Variants in AZIN2 observed in about 807,000 individuals in gnomAD.
AZIN2 encodes ODC antizyme inhibitor-2.
Under a neutral mutation model 47.8 loss-of-function variants are expected in AZIN2, and 28 were observed. That is an observed-to-expected ratio of 0.59 (90% CI 0.43 to 0.80). The LOEUF (loss-of-function observed/expected upper bound fraction) is 0.80. Among genes scored for constraint, AZIN2 ranks in the 30% least tolerant of loss-of-function variants. AZIN2 has a pLI of 0.00. For missense variants in AZIN2, 535 were observed against 582.5 expected (o/e 0.92, Z 0.84); for synonymous variants, 221 against 239.4 (o/e 0.92, Z 0.71).
chr1:33,086,273 T>C (rs995955013), intron 5 of AZIN2, among the ~76,000 whole-genome samples: 1 of 152,162 alleles, frequency 6.6e-6, no homozygotes, highest in Non-Finnish European at 1.5e-5. Context: ...ATTTAACGTA[T>C]AAGGAAATGA....
chr1:33,117,227 T>C (rs924473403), intron 10 of AZIN2, among the ~76,000 whole-genome samples: 1 of 152,150 alleles, frequency 6.6e-6, no homozygotes, highest in Admixed American at 6.5e-5. Flanking sequence ...GTGATTGTTG[T>C]TGGAAGTCCA....
Position 33,123,291 on chromosome 1 carries a change from C to G in AZIN2, c.*3109C>G, listed in dbSNP as rs1048419601. On this transcript the variant is annotated 3_prime_UTR_variant, in exon 12 of 12. Coordinates refer to ENST00000294517, the MANE Select transcript of AZIN2 (RefSeq NM_052998.4). ...ACTCAACATACTCTATAACATAACT[C>G]CATAATGTGTTCCATAACACAAGGG... Among the ~76,000 whole-genome samples the G allele has an allele frequency of 3.3e-5, 5 of 152,186 alleles. No homozygotes were observed. Among genetic ancestry groups the G allele is most frequent in the African/African-American group, 1.2e-4 (5 of 41,436 alleles).
chr1:33,116,265 T>C (rs1644535203), intron 10 of AZIN2, among the ~76,000 whole-genome samples: 1 of 152,234 alleles, frequency 6.6e-6, no homozygotes, highest in East Asian at 1.9e-4. Context: ...ATAATGTACA[T>C]ATTTTTCTTT....
chr1:33,155,372 C>T, the AZIN2 span, among the ~76,000 whole-genome samples: 1 of 151,984 alleles, frequency 6.6e-6, no homozygotes, highest in Non-Finnish European at 1.5e-5. Flanking sequence ...TGCCCGGCCT[C>T]CCCTGACTCT....
At chr1:33,131,927 T>C in the AZIN2 span, among the ~76,000 whole-genome samples, 1 of 152,096 alleles carries the variant, frequency 6.6e-6, no homozygotes, top group Non-Finnish European at 1.5e-5. Context: ...GAAATGAAAA[T>C]TAAATGTTAG....
chr1:33,108,342 C>CTTTTTTTT lies in AZIN2; in HGVS notation c.1030-9549_1030-9542dup, dbSNP rs34834263. On this transcript the variant is annotated intron_variant, in intron 10 of 11. Coordinates refer to ENST00000294517, the MANE Select transcript of AZIN2 (RefSeq NM_052998.4). ...AATGGATTAAAGACTTTCAGATTGA[C>CTTTTTTTT]TTTTTTTTTTTTTTTTTTGAGACAG... Among the ~76,000 whole-genome samples the CTTTTTTTT allele has an allele frequency of 1.4e-4, 19 of 134,742 alleles. 1 individual carries two copies. Among genetic ancestry groups the CTTTTTTTT allele is most frequent in the East Asian group, 1.1e-3 (5 of 4,550 alleles). 88.4% of individuals were successfully genotyped at this position (134,742 alleles called of 152,430 possible).
chr1:33,089,647 C>A (rs1239130819), intron 5 of AZIN2, among the ~76,000 whole-genome samples: 1 of 152,174 alleles, frequency 6.6e-6, no homozygotes, highest in African/African-American at 2.4e-5. Flanking sequence ...TGGAGCTTGA[C>A]CTTTGTGTCC....
the AZIN2 span, among the ~76,000 whole-genome samples, chr1:33,137,534 G>A: frequency 6.6e-6 from 1 of 152,164 alleles, no homozygotes; most frequent in African/African-American, 2.4e-5. Flanking sequence ...TCAGAGCTGG[G>A]AAGGTGGCTT....
At chr1:33,125,356 C>T (rs79237431), downstream of AZIN2, among the ~76,000 whole-genome samples, 533 of 152,324 alleles carry the variant, frequency 3.5e-3, 2 homozygotes, top group African/African-American at 0.012. Context: ...AGTTGATTTC[C>T]GCTGCGATGC....
chr1:33,125,762 G>C (rs545613588), downstream of AZIN2, among the ~76,000 whole-genome samples: 2 of 149,048 alleles, frequency 1.3e-5, no homozygotes, highest in Admixed American at 1.3e-4. Flanking sequence ...TTCCTTTCCT[G>C]TAACATGCCA....
At chr1:33,119,978 G>A (rs767873918) in intron 11 of AZIN2, 66 bp from the exon 12 acceptor site, 16 of 1,603,242 alleles carry the variant, frequency 1.0e-5, no homozygotes, top group African/African-American at 4.0e-5. Flanking sequence ...ATGGGGCTGC[G>A]TCTCCAGGTA....
the AZIN2 span, among the ~76,000 whole-genome samples, chr1:33,157,364 T>A: frequency 6.6e-6 from 1 of 152,118 alleles, no homozygotes; most frequent in African/African-American, 2.4e-5. Context: ...GGAGCACTCT[T>A]CCTCCAGATA....
the AZIN2 span, among the ~76,000 whole-genome samples, chr1:33,144,395 C>A: frequency 6.6e-6 from 1 of 152,222 alleles, no homozygotes; most frequent in African/African-American, 2.4e-5. Context: ...GCCTTGGCCT[C>A]CCAAAGTGTT....
At chr1:33,118,432 G>C (rs775055394) in intron 11 of AZIN2, 1 of 255,288 alleles carries the variant, frequency 3.9e-6, no homozygotes, top group Admixed American at 4.9e-5. Flanking sequence ...TACAGGAGTG[G>C]GTGGTAGGAC....
the AZIN2 span, among the ~76,000 whole-genome samples, chr1:33,150,722 G>A: frequency 1.0e-3 from 153 of 152,292 alleles, no homozygotes; most frequent in African/African-American, 3.6e-3. Flanking sequence ...TTCCCACAGT[G>A]GGGTCGGGAG....
chr1:33,137,054 G>A, the AZIN2 span, among the ~76,000 whole-genome samples: 427 of 151,916 alleles, frequency 2.8e-3, no homozygotes, highest in African/African-American at 1.0e-2. Context: ...GGGGAGTGAC[G>A]GTTGGCCAGG....
chr1:33,105,184 G>C (rs1226114963), intron 10 of AZIN2, among the ~76,000 whole-genome samples: 1 of 152,188 alleles, frequency 6.6e-6, no homozygotes, highest in Non-Finnish European at 1.5e-5. Flanking sequence ...TTACAATGCT[G>C]TAACATTTTG....
chr1:33,165,158 G>A, the AZIN2 span: 89 of 246,710 alleles, frequency 3.6e-4, no homozygotes, highest in Non-Finnish European at 6.1e-4. The surrounding 1 kb of genome is among the most constrained non-coding windows in gnomAD (Gnocchi z 4.0). Flanking sequence ...CAGGAGGCAG[G>A]GGGTTTCCGG....
In AZIN2 at chr1:33,092,109, C is replaced by T. The variant is rs749935454; in HGVS notation, c.339C>T (p.Asn113=). The change falls in exon 6 of 12, where the codon AAC becomes AAT. Residue 113 remains asparagine (N), a synonymous_variant. Coordinates refer to ENST00000294517, the MANE Select transcript of AZIN2 (RefSeq NM_052998.4). ...CTGCCAGTAAGATCATCTGCGCCAA[C>T]CCCTGTAAGCAAATTGCACAGATCA... ...GIPASKIICA[N]PCKQIAQIKY... 3 of 1,614,182 alleles carry T rather than the reference C, an allele frequency of 1.9e-6. No homozygotes were observed. Among genetic ancestry groups the T allele is most frequent in the Non-Finnish European group, 1.7e-6 (2 of 1,180,038 alleles).
Sources: gnomAD v4.1 joint callset for allele counts (sites outside exome capture counted in the v4.1 genomes callset) on GRCh38, gnomAD v4.1.1 for gene constraint, Gnocchi (gnomAD v3.1) non-coding constraint, MANE v1.5 for transcripts, NCBI Gene and HGNC (gene_info 2026-07-23, HGNC 2026-07-21) for gene names.